The following KASH5 variants were observed in gnomAD, a reference collection of about 807,000 sequenced individuals.
KASH5 encodes the protein KASH domain containing 5.
Under a neutral mutation model 84.2 loss-of-function variants are expected in KASH5, and 72 were observed. That is an observed-to-expected ratio of 0.85 (90% CI 0.71 to 1.04). The LOEUF (loss-of-function observed/expected upper bound fraction) is 1.04. KASH5 is among the 50% of genes least tolerant of loss of function. The probability of loss-of-function intolerance (pLI) is 0.00; values close to 1 mark genes in which losing one functional copy is unlikely to be tolerated. For synonymous variants in KASH5, 260 were observed against 279.1 expected, an observed-to-expected ratio of 0.93 and a Z score of 0.68; for missense variants, 650 against 701.0, an observed-to-expected ratio of 0.93 and a Z score of 0.82.
chr19:49,409,029 T>A lies in KASH5; in HGVS notation c.1056T>A (p.Asp352Glu). 5 of 1,590,956 alleles carry A rather than the reference T, an allele frequency of 3.1e-6. No individual in the cohort carries two copies. Among genetic ancestry groups the A allele is most frequent in the Non-Finnish European group, 4.3e-6 (5 of 1,168,940 alleles). Residue 352 changes from aspartate to glutamate, a missense_variant and splice_region_variant, in exon 13 of 20, where the codon GAT (aspartate) becomes GAA (glutamate). Transcript: ENST00000447857. ...EQLSQTYEGP[D>E]ELPEGAQLRR... ...TGAGTCAGACCTATGAGGGGCCCGA[T>A]GAGTGAGTGGAATTTCAAGGGGTAG...
rs1476995576 is a variant in KASH5 at position 49,409,196 on chromosome 19, G to A, written c.1059G>A (p.Glu353=). ...QLSQTYEGPD[E]LPEGAQLRRV... ...TCCTCCCTCCTTCCTGTGTGGCCAGGCTACCTGAAGGGGCCCAGCTGAGAA... is the reference window on the plus strand; with the variant it reads ...TCCTCCCTCCTTCCTGTGTGGCCAGACTACCTGAAGGGGCCCAGCTGAGAA... Residue 353 remains glutamate (E), a splice_region_variant and synonymous_variant, in exon 14 of 20, where the codon GAG becomes GAA. Transcript: ENST00000447857. 9 of 1,612,968 alleles carry A rather than the reference G, an allele frequency of 5.6e-6. No individual in the cohort carries two copies. Among genetic ancestry groups the A allele is most frequent in the African/African-American group, 1.3e-5 (1 of 74,922 alleles).
At chr19:49,394,410 C>A in intron 2 of KASH5, 66 bp from the exon 3 acceptor site, 1 of 1,298,208 alleles carries the variant, frequency 7.7e-7, no homozygotes, top group Non-Finnish European at 1.1e-6. Context: ...AGGCTGAGGA[C>A]CTGGGGTCAC....
In KASH5 at chr19:49,407,298, T is replaced by TA; in HGVS notation, c.933+4dup. ...CAAAGAGACACCATCCTCTCTGAGG[T>TA]AAGGGGCCCCGGGAGGGAAAGAGAT... On this transcript the variant is annotated splice_region_variant and intron_variant, in intron 11 of 19. Coordinates refer to ENST00000447857, the MANE Select transcript of KASH5 (RefSeq NM_144688.5). 1 of 1,613,648 alleles carries TA rather than the reference T, an allele frequency of 6.2e-7. No homozygotes were observed. The highest frequency in any genetic ancestry group is 8.5e-7 in the Non-Finnish European group (1 of 1,179,734).
At chr19:49,409,918 G>A in intron 15 of KASH5, 43 bp downstream of exon 15, 1 of 1,604,108 alleles carries the variant, frequency 6.2e-7, no homozygotes, top group Non-Finnish European at 8.5e-7. Context: ...CTGGAAAGGG[G>A]CCAGGAGCTC....
Position 49,407,308 on chromosome 19 carries a change from C to T in KASH5, c.933+12C>T, listed in dbSNP as rs200360301. The T allele has an allele frequency of 3.1e-4, 494 of 1,613,288 alleles. No individual in the cohort carries two copies. Among genetic ancestry groups the T allele is most frequent in the Admixed American group, 1.4e-3 (85 of 59,922 alleles). On this transcript the variant is annotated intron_variant, in intron 11 of 19. Transcript: ENST00000447857. ...CCATCCTCTCTGAGGTAAGGGGCCCCGGGAGGGAAAGAGATTCGCTTTCCA... is the reference window on the plus strand; with the variant it reads ...CCATCCTCTCTGAGGTAAGGGGCCCTGGGAGGGAAAGAGATTCGCTTTCCA...
In KASH5 at chr19:49,409,298, C is replaced by G. The variant is rs1284389106; in HGVS notation, c.1146+15C>G. On this transcript the variant is annotated intron_variant, in intron 14 of 19. Coordinates refer to ENST00000447857, the MANE Select transcript of KASH5 (RefSeq NM_144688.5). ...CCATTCGACAGGTGGGCCTAACACC[C>G]CTGGAATAAGCTGCAGGCCACCAAG... The G allele has an allele frequency of 2.5e-6, 4 of 1,612,106 alleles. 1 individual carries two copies. The highest frequency in any genetic ancestry group is 4.5e-5 in the East Asian group (2 of 44,856).
At chr19:49,396,697 G>A (rs1974194170) in intron 5 of KASH5, among the ~76,000 whole-genome samples, 1 of 152,118 alleles carries the variant, frequency 6.6e-6, no homozygotes, top group Admixed American at 6.6e-5. Flanking sequence ...TTAGCCACTG[G>A]CACCTGGGTT....
At chr19:49,405,456 CAAAAAA>C (rs58604196) in intron 9 of KASH5, among the ~76,000 whole-genome samples, 31 of 90,432 alleles carry the variant, frequency 3.4e-4, no homozygotes, top group African/African-American at 1.0e-3. Context: ...AAACTCCTCT[CAAAAAA>C]AAAAAAAAAA....
chr19:49,413,470 G>A (rs1974792416), intron 16 of KASH5, among the ~76,000 whole-genome samples: 1 of 152,192 alleles, frequency 6.6e-6, no homozygotes, highest in Non-Finnish European at 1.5e-5. Context: ...CTCCTCCGGG[G>A]CCCTGGCCTT....
chr19:49,388,981 C>A (rs757360127), intron 1 of KASH5, among the ~76,000 whole-genome samples: 6 of 151,950 alleles, frequency 3.9e-5, no homozygotes, highest in Non-Finnish European at 7.4e-5. Context: ...AAAGACACCC[C>A]AGAAACGGAG....
At position 49,399,401 on chromosome 19, in the gene KASH5, C is replaced by T; in HGVS notation, c.748-56C>T. ...GTTTTCAGGGGTGGGAGAAGGGCAA[C>T]ATGGGGGCAAGGAGGCTAGAAATGA... On this transcript the variant is annotated intron_variant, in intron 8 of 19. Transcript: ENST00000447857. This position sits in a 1 kb window ranked among gnomAD's most constrained non-coding sequence, Gnocchi z 4.4. 1 of 1,542,854 alleles carries T rather than the reference C, an allele frequency of 6.5e-7. No homozygotes were observed. Among genetic ancestry groups the T allele is most frequent in the Non-Finnish European group, 8.9e-7 (1 of 1,129,344 alleles).
chr19:49,403,084 G>A (rs1211757313), intron 9 of KASH5, among the ~76,000 whole-genome samples: 5 of 152,026 alleles, frequency 3.3e-5, no homozygotes, highest in African/African-American at 4.8e-5. Flanking sequence ...GAGGCTGGGC[G>A]CGGTGGCTCA....
chr19:49,397,770 C>T, intron 6 of KASH5, 53 bp downstream of exon 6: 1 of 1,585,106 alleles, frequency 6.3e-7, no homozygotes, highest in South Asian at 1.1e-5. Context: ...CTGTCCCCTC[C>T]AGCCTGCCGA....
In KASH5 at chr19:49,395,182, A is replaced by G; in HGVS notation, c.225A>G (p.Gln75=). 1 of 1,613,046 alleles carries G rather than the reference A, an allele frequency of 6.2e-7. No homozygotes were observed. The highest frequency in any genetic ancestry group is 1.1e-5 in the South Asian group (1 of 91,010). The part of the protein sequence containing the change: ...TGQGPQDARL[Q]TLANSLDPNG... ...AGGGCCCCCAGGATGCACGCCTCCA[A>G]ACATTGGCCAACAGCCTGGACCCCA... is the stretch of plus-strand genomic sequence containing the variant. The change falls in exon 4 of 20, where the codon CAA becomes CAG. Residue 75 remains glutamine (Q), a synonymous_variant. Coordinates refer to ENST00000447857, the MANE Select transcript of KASH5 (RefSeq NM_144688.5). This position sits in a 1 kb window ranked among gnomAD's most constrained non-coding sequence, Gnocchi z 4.4.
intron 9 of KASH5, among the ~76,000 whole-genome samples, chr19:49,403,814 C>T (rs952105062): frequency 6.6e-6 from 1 of 152,232 alleles, no homozygotes; most frequent in African/African-American, 2.4e-5. Flanking sequence ...ATCTGGGACA[C>T]CCTCGGCCCT....
At chr19:49,389,164 C>T (rs1973915216) in intron 1 of KASH5, among the ~76,000 whole-genome samples, 1 of 120,228 alleles carries the variant, frequency 8.3e-6, no homozygotes, top group South Asian at 3.3e-4. Flanking sequence ...AATCCAGAGA[C>T]CCCGAATAAA....
chr19:49,413,207 C>G (rs1974781404), intron 16 of KASH5, among the ~76,000 whole-genome samples, 181 bp downstream of exon 16: 2 of 152,206 alleles, frequency 1.3e-5, no homozygotes, highest in Non-Finnish European at 2.9e-5. Context: ...GCCCTCAGGT[C>G]TAGGAGGAGA....
chr19:49,417,200 T>C lies in KASH5; in HGVS notation c.1481T>C (p.Met494Thr), dbSNP rs757781496. 3 of 1,613,748 alleles carry C rather than the reference T, an allele frequency of 1.9e-6. No individual in the cohort carries two copies. The highest frequency in any genetic ancestry group is 8.5e-7 in the Non-Finnish European group (1 of 1,179,846). ...RELQQALVPV[M>T]KKLVPVRRRA... ...CTCCAGCAAGCCCTGGTGCCTGTGATGAAAAAGCTGGTCCCAGTCAGGAGG... is the reference window on the plus strand; with the variant it reads ...CTCCAGCAAGCCCTGGTGCCTGTGACGAAAAAGCTGGTCCCAGTCAGGAGG... The change falls in exon 19 of 20, where the codon ATG becomes ACG. Residue 494 changes from methionine (M) to threonine (T), a missense_variant. Transcript: ENST00000447857. The surrounding 1 kb of genome is among the most constrained non-coding windows in gnomAD (Gnocchi z 5.2).
At chr19:49,389,223 C>A (rs1973918755) in intron 1 of KASH5, among the ~76,000 whole-genome samples, 1 of 134,758 alleles carries the variant, frequency 7.4e-6, no homozygotes, top group Non-Finnish European at 1.6e-5. Context: ...TCCAATCAGA[C>A]CCCCGCAGAA....
Sources: gnomAD v4.1 joint callset for allele counts (sites outside exome capture counted in the v4.1 genomes callset) on GRCh38, gnomAD v4.1.1 for gene constraint, Gnocchi (gnomAD v3.1) non-coding constraint, MANE v1.5 for transcripts, NCBI Gene and HGNC (gene_info 2026-07-23, HGNC 2026-07-21) for gene names.